The following TMCC3 variants were observed in gnomAD, a reference collection of about 807,000 sequenced individuals.
The protein encoded by TMCC3 is transmembrane and coiled-coil domain protein 3.
A neutral mutation model predicts 40.2 loss-of-function variants in TMCC3; 28 were observed. The ratio of observed to expected loss-of-function variants is 0.70; its 90% CI spans 0.52 to 0.95. The LOEUF (loss-of-function observed/expected upper bound fraction) is 0.95. Among genes scored for constraint, TMCC3 ranks in the 40% least tolerant of loss-of-function variants. The pLI, the probability that TMCC3 is intolerant of heterozygous loss-of-function variation, is 0.00. For missense variants in TMCC3, 554 were observed against 615.2 expected (o/e 0.90, Z 1.05); for synonymous variants, 255 against 248.5 (o/e 1.03, Z -0.25).
intron 1 of TMCC3, among the ~76,000 whole-genome samples, chr12:94,636,624 G>A (rs1448111543): frequency 1.3e-5 from 2 of 152,226 alleles, no homozygotes; most frequent in Admixed American, 6.5e-5. Flanking sequence ...TTAATCAAAA[G>A]GGAGAGTGCC....
intron 1 of TMCC3, 75 bp from the exon 2 acceptor site, chr12:94,582,613 T>C: frequency 3.8e-6 from 5 of 1,299,418 alleles, no homozygotes; most frequent in Non-Finnish European, 5.3e-6. Context: ...TCTATGCACA[T>C]ACAAGATACA....
intron 1 of TMCC3, chr12:94,616,049 G>A (rs2068846142): frequency 2.0e-6 from 2 of 985,236 alleles, no homozygotes; most frequent in African/African-American, 3.5e-5. Flanking sequence ...ATATGACTCA[G>A]CCTGGACTTT....
At chr12:94,631,395 C>T (rs2068932870) in intron 1 of TMCC3, among the ~76,000 whole-genome samples, 1 of 152,144 alleles carries the variant, frequency 6.6e-6, no homozygotes, top group Non-Finnish European at 1.5e-5. Flanking sequence ...CAAATGAGAT[C>T]ATTAGGGTGG....
intron 1 of TMCC3, among the ~76,000 whole-genome samples, chr12:94,608,900 T>TGTTTAGTG (rs2068799067): frequency 2.6e-5 from 4 of 152,196 alleles, no homozygotes; most frequent in Non-Finnish European, 5.9e-5. Context: ...TTTCTAGTTC[T>TGTTTAGTG]CACCTCATTA....
At chr12:94,642,792 T>C (rs1345749337) in intron 1 of TMCC3, among the ~76,000 whole-genome samples, 1 of 152,202 alleles carries the variant, frequency 6.6e-6, no homozygotes, top group African/African-American at 2.4e-5. Flanking sequence ...TCAACAGTGC[T>C]TTACACGTAC....
chr12:94,593,187 ACT>A (rs761872674), intron 1 of TMCC3, among the ~76,000 whole-genome samples: 3 of 146,114 alleles, frequency 2.1e-5, no homozygotes, highest in Non-Finnish European at 4.5e-5. Flanking sequence ...ACAGAGCAAG[ACT>A]CTGTCTCAAA....
rs186563885 is a variant in TMCC3 at position 94,613,608 on chromosome 12, A to T, written c.79-31070T>A. On this transcript the variant is annotated intron_variant, in intron 1 of 3. Coordinates refer to ENST00000261226, the MANE Select transcript of TMCC3 (RefSeq NM_020698.4). Reference sequence around the variant, plus strand: ...GTGATAAAAAGAGAAAAATCTTGAGAATAGTTAAACCTTATGGCAGCGATG... The same window carrying T: ...GTGATAAAAAGAGAAAAATCTTGAGTATAGTTAAACCTTATGGCAGCGATG... 1.6e-3 allele frequency among the ~76,000 whole-genome samples: 250 copies of T among 152,300 alleles called. 1 individual carries two copies. Among genetic ancestry groups the T allele is most frequent in the Middle Eastern group, 6.8e-3 (2 of 294 alleles).
At position 94,650,300 on chromosome 12, in the gene TMCC3, G is replaced by T. The variant is rs937824300; in HGVS notation, c.78+53C>A. ...TAGCACTGAGCCGCCGCCCCAGCCC[G>T]CCTCGCCCCCGGGCCCGCGCGCACC... is the stretch of plus-strand genomic sequence containing the variant. On this transcript the variant is annotated intron_variant, in intron 1 of 3. Coordinates refer to ENST00000261226, the MANE Select transcript of TMCC3 (RefSeq NM_020698.4). 44 of 1,140,344 alleles carry T rather than the reference G, an allele frequency of 3.9e-5. No homozygotes were observed. The African/African-American group carries it at 6.5e-4, about 17-fold the overall frequency. The allele number at this position is 1,140,344 out of a possible 1,614,324, so 70.6% of individuals were successfully genotyped here. A position where few individuals can be genotyped will look rare whatever the true frequency, so the allele number is the denominator to read the frequency against.
At chr12:94,630,706 T>C (rs1250330099) in intron 1 of TMCC3, among the ~76,000 whole-genome samples, 3 of 151,974 alleles carry the variant, frequency 2.0e-5, no homozygotes, top group Non-Finnish European at 2.9e-5. Flanking sequence ...GCGTATATCT[T>C]GTAAACGTTT....
At chr12:94,648,903 A>G (rs1446424717) in intron 1 of TMCC3, among the ~76,000 whole-genome samples, 2 of 152,244 alleles carry the variant, frequency 1.3e-5, no homozygotes, top group Non-Finnish European at 2.9e-5. Flanking sequence ...TCAATTACAA[A>G]TGCATTCGAA....
At chr12:94,650,041 C>T (rs2069045905) in intron 1 of TMCC3, among the ~76,000 whole-genome samples, 5 of 152,232 alleles carry the variant, frequency 3.3e-5, no homozygotes, top group African/African-American at 9.6e-5. Flanking sequence ...CCTCGCGGAG[C>T]GGCGGGCGCT....
At chr12:94,632,172 C>T (rs749157007) in intron 1 of TMCC3, among the ~76,000 whole-genome samples, 3 of 152,106 alleles carry the variant, frequency 2.0e-5, no homozygotes, top group African/African-American at 7.2e-5. Flanking sequence ...TATAAAGAGG[C>T]GAAAGAGAAC....
chr12:94,611,631 C>T (rs2068816382), intron 1 of TMCC3, among the ~76,000 whole-genome samples: 5 of 152,118 alleles, frequency 3.3e-5, no homozygotes, highest in African/African-American at 1.2e-4. Flanking sequence ...GTGTTCAAGT[C>T]CCTGATATAA....
At chr12:94,588,328 C>T (rs2068650400) in intron 1 of TMCC3, among the ~76,000 whole-genome samples, 1 of 152,172 alleles carries the variant, frequency 6.6e-6, no homozygotes, top group African/African-American at 2.4e-5. Context: ...GAATGTAGGG[C>T]TCCTGTGGAC....
chr12:94,585,680 C>T (rs543780523), intron 1 of TMCC3, among the ~76,000 whole-genome samples: 67 of 109,232 alleles, frequency 6.1e-4, no homozygotes, highest in Non-Finnish European at 9.0e-4. Context: ...AGCGAGACAC[C>T]GTCTCAAACA....
At chr12:94,629,347 G>C (rs1401080291) in intron 1 of TMCC3, among the ~76,000 whole-genome samples, 1 of 152,184 alleles carries the variant, frequency 6.6e-6, no homozygotes, top group Non-Finnish European at 1.5e-5. Context: ...GGTGGACTCT[G>C]GGGGAGTTCT....
chr12:94,627,657 G>A (rs2068910973), intron 1 of TMCC3, among the ~76,000 whole-genome samples: 1 of 152,216 alleles, frequency 6.6e-6, no homozygotes, highest in South Asian at 2.1e-4. Flanking sequence ...GCCCTGGAAT[G>A]TTCCTCCCTT....
chr12:94,608,191 A>G (rs2068794602), intron 1 of TMCC3, among the ~76,000 whole-genome samples: 1 of 152,226 alleles, frequency 6.6e-6, no homozygotes, highest in South Asian at 2.1e-4. Flanking sequence ...ATCAAACTTT[A>G]TATATAAACA....
intron 1 of TMCC3, among the ~76,000 whole-genome samples, chr12:94,597,134 T>A (rs1255766044): frequency 6.7e-4 from 7 of 10,504 alleles, no homozygotes; most frequent in African/African-American, 1.4e-3. Context: ...CATATATATA[T>A]ATATATATAT....
Sources: allele counts gnomAD v4.1 joint callset (sites outside exome capture counted in the v4.1 genomes callset), GRCh38; gene constraint gnomAD v4.1.1; transcripts MANE v1.5; gene names NCBI Gene and HGNC (gene_info 2026-07-23, HGNC 2026-07-21).